BRAT1: variants seen among roughly 807,000 people sequenced by gnomAD.
BRAT1 encodes integrator complex assembly factor BRAT1.
A neutral mutation model predicts 70.6 loss-of-function variants in BRAT1; 74 were observed. The observed-to-expected ratio is 1.05, with a 90% CI of 0.87 to 1.27. BRAT1 has a LOEUF of 1.27. Among genes scored for constraint, BRAT1 ranks in the 50% most tolerant of loss-of-function variants. BRAT1 has a pLI of 0.00. For synonymous variants in BRAT1, 615 were observed against 517.1 expected (o/e 1.19, Z -2.57); for missense variants, 1,203 against 1,098.2 (o/e 1.10, Z -1.35).
At chr7:2,544,884 T>G in intron 4 of BRAT1, 25 bp downstream of exon 4, 1 of 1,547,082 alleles carries the variant, frequency 6.5e-7, no homozygotes, top group Non-Finnish European at 8.7e-7. Context: ...GGATGAGGAA[T>G]GGGGTGGGGT....
rs141726264 is a variant in BRAT1, at chr7:2,538,506, C to T, written c.2029G>A (p.Val677Met). 139 of 1,610,658 alleles carry T rather than the reference C, an allele frequency of 8.6e-5. No homozygotes were observed. The African/African-American group carries it at 1.4e-3, about 16-fold the overall frequency. The stretch of plus-strand genomic sequence containing the variant: ...GCTGGGGCCACCTCGGGTAGGGCCA[C>T]GGCATAGGGGCAGTGGGTACGCGGC... The part of the protein sequence containing the change: ...GPPRTHCPYA[V>M]ALPEVAPAQP... Residue 677 changes from valine (V) to methionine (M), a missense_variant, in exon 14 of 14, where the codon GTG becomes ATG. Coordinates refer to ENST00000340611, the MANE Select transcript of BRAT1 (RefSeq NM_152743.4).
In BRAT1 at chr7:2,538,489, C is replaced by T. The variant is rs749058877; in HGVS notation, c.2046G>A (p.Val682=). Residue 682 remains valine, a synonymous_variant, in exon 14 of 14, where the codon GTG becomes GTA. Coordinates refer to ENST00000340611, the MANE Select transcript of BRAT1 (RefSeq NM_152743.4). Reference sequence around the variant, plus strand: ...CCTCGGTGAGTGGCTGGGCTGGGGCCACCTCGGGTAGGGCCACGGCATAGG... The same window carrying T: ...CCTCGGTGAGTGGCTGGGCTGGGGCTACCTCGGGTAGGGCCACGGCATAGG... ...HCPYAVALPE[V]APAQPLTEAL... 3 of 1,611,756 alleles carry T rather than the reference C, an allele frequency of 1.9e-6. No homozygotes were observed. Among genetic ancestry groups the T allele is most frequent in the Non-Finnish European group, 2.5e-6 (3 of 1,179,838 alleles).
intron 1 of BRAT1, 25 bp downstream of exon 1, chr7:2,555,462 A>AC (rs1198193189): frequency 6.6e-6 from 1 of 150,846 alleles, no homozygotes; most frequent in Non-Finnish European, 1.5e-5. Flanking sequence ...CACGACCTCG[A>AC]CCCCCGAAGG....
chr7:2,550,272 G>A (rs1028286091), intron 2 of BRAT1, among the ~76,000 whole-genome samples: 1 of 151,738 alleles, frequency 6.6e-6, no homozygotes, highest in Non-Finnish European at 1.5e-5. Flanking sequence ...TTTGAGACCA[G>A]CCTGGGCTAC....
chr7:2,545,845 C>G (rs556095168), intron 3 of BRAT1, among the ~76,000 whole-genome samples: 75 of 152,320 alleles, frequency 4.9e-4, no homozygotes, highest in African/African-American at 1.8e-3. Context: ...ATTCACTGTA[C>G]GGCAGCACCC....
At chr7:2,547,286 T>G (rs750388029) in intron 3 of BRAT1, 38 bp downstream of exon 3, 50 of 1,607,542 alleles carry the variant, frequency 3.1e-5, no homozygotes, top group Non-Finnish European at 4.2e-5. Flanking sequence ...CCTGCCCACC[T>G]CTCCACGGGA....
In BRAT1 at chr7:2,537,849, G is replaced by T; in HGVS notation, c.*220C>A. On this transcript the variant is annotated 3_prime_UTR_variant, in exon 14 of 14. Transcript: ENST00000340611. The stretch of plus-strand genomic sequence containing the variant: ...ATTATTATTAAATTAACTCAAAAAG[G>T]GTTAAAGAAAGACTTCAATGCCATT... 1.5e-6 allele frequency: 1 copy of T among 669,152 alleles called. No homozygotes were observed. The highest frequency in any genetic ancestry group is 3.1e-5 in the East Asian group (1 of 31,866). The allele number at this position is 669,152 out of a possible 1,614,324, so 41.5% of individuals were successfully genotyped here.
chr7:2,538,718 C>A lies in BRAT1; in HGVS notation c.1817G>T (p.Gly606Val), dbSNP rs766450980. 1.5e-5 allele frequency: 24 copies of A among 1,598,328 alleles called. No individual in the cohort carries two copies. In the Admixed American group the frequency reaches 3.5e-4, roughly 23 times the overall value. Residue 606 changes from glycine to valine, a missense_variant, in exon 14 of 14, where the codon GGC (glycine) becomes GTC (valine). Coordinates refer to ENST00000340611, the MANE Select transcript of BRAT1 (RefSeq NM_152743.4). Reference protein sequence around the residue: ...LLHILSVDSEGFPRRAVMQVF... With the variant: ...LLHILSVDSEVFPRRAVMQVF... ...TTGCATGACCGCCCGCCGTGGGAAG[C>A]CCTCCGAGTCTACGGAGAGGATGTG... is the stretch of plus-strand genomic sequence containing the variant.
intron 11 of BRAT1, 46 bp downstream of exon 11, chr7:2,539,740 C>G: frequency 1.9e-6 from 3 of 1,567,784 alleles, no homozygotes; most frequent in South Asian, 2.3e-5. Flanking sequence ...GCTGCCTCCA[C>G]CCCTGCGACT....
chr7:2,543,590 C>A lies in BRAT1; in HGVS notation c.803G>T (p.Arg268Leu). Reference sequence around the variant, plus strand: ...CCCAGCTGCGTCCCGGGGCCCTGACCGAGCCACACAGAGAAGCAGGTCCAC... The same window carrying A: ...CCCAGCTGCGTCCCGGGGCCCTGACAGAGCCACACAGAGAAGCAGGTCCAC... ...SFVDLLLCVA[R>L]SPVFSSSDGS... The change falls in exon 5 of 14, where the codon CGT (arginine) becomes CTT (leucine). Residue 268 changes from arginine (R) to leucine (L), a missense_variant and splice_region_variant. Arg to Leu is a moderately radical substitution (Grantham distance 102). Coordinates refer to ENST00000340611, the MANE Select transcript of BRAT1 (RefSeq NM_152743.4). The surrounding 1 kb of genome is among the most constrained non-coding windows in gnomAD (Gnocchi z 5.5). The A allele has an allele frequency of 2.6e-6, 4 of 1,510,712 alleles. No individual in the cohort carries two copies. The South Asian group carries it at 4.0e-5, about 15-fold the overall frequency. 93.6% of individuals were successfully genotyped at this position (1,510,712 alleles called of 1,614,324 possible).
chr7:2,544,658 G>A (rs554889820), intron 4 of BRAT1, among the ~76,000 whole-genome samples: 37 of 152,246 alleles, frequency 2.4e-4, no homozygotes, highest in African/African-American at 7.7e-4. Flanking sequence ...GCATCACCAC[G>A]CCTGGCTCCC....
chr7:2,554,267 C>T, intron 2 of BRAT1, 38 bp downstream of exon 2: 2 of 1,608,048 alleles, frequency 1.2e-6, no homozygotes, highest in South Asian at 2.2e-5. Flanking sequence ...TGCGTCTGGT[C>T]TCTGGATAGG....
chr7:2,544,200 G>GTTTTT (rs1172630697), intron 4 of BRAT1: 36,631 of 107,076 alleles, frequency 0.34, 8,207 homozygotes, highest in Non-Finnish European at 0.39. Context: ...CCTTCTTGTT[G>GTTTTT]TTTTTTTTTT....
chr7:2,542,934 A>T, intron 6 of BRAT1: 1 of 261,994 alleles, frequency 3.8e-6, no homozygotes, highest in Non-Finnish European at 7.2e-6. Context: ...GGGCGTCGGC[A>T]GGACCACCCT....
Position 2,544,145 on chromosome 7 carries a change from C to G in BRAT1, c.431-183G>C, listed in dbSNP as rs181229004. 1,016 of 479,884 alleles carry G rather than the reference C, an allele frequency of 2.1e-3. 11 individuals carry two copies. Among genetic ancestry groups the G allele is most frequent in the South Asian group, 0.012 (304 of 25,176 alleles). The allele number at this position is 479,884 out of a possible 1,614,324, so 29.7% of individuals were successfully genotyped here. ...TCCCTGGAGACAAGCACCTCCTCCC[C>G]CCGAGCGTTAAACACACACAGCTTG... is the stretch of plus-strand genomic sequence containing the variant. On this transcript the variant is annotated intron_variant, in intron 4 of 13. Coordinates refer to ENST00000340611, the MANE Select transcript of BRAT1 (RefSeq NM_152743.4).
Position 2,541,852 on chromosome 7 carries a change from G to A in BRAT1, c.1016-16C>T, listed in dbSNP as rs764816041. On this transcript the variant is annotated splice_polypyrimidine_tract_variant and intron_variant, in intron 7 of 13. Transcript: ENST00000340611. ...TCCAGCAAGCCTGGGGGCCAAGCCA[G>A]GAAGAGCTCCCTTAGAGAGCACTTC... 3 of 1,611,452 alleles carry A rather than the reference G, an allele frequency of 1.9e-6. No individual in the cohort carries two copies. The African/African-American group carries it at 4.0e-5, about 22-fold the overall frequency.
chr7:2,544,070 G>C, intron 4 of BRAT1, 108 bp from the exon 5 acceptor site: 1 of 882,098 alleles, frequency 1.1e-6, no homozygotes, highest in Non-Finnish European at 1.6e-6. Context: ...CCCCCAAGAT[G>C]CCCCCAAATG....
intron 2 of BRAT1, among the ~76,000 whole-genome samples, chr7:2,548,476 C>T (rs1269985651): frequency 6.6e-6 from 1 of 151,800 alleles, no homozygotes; most frequent in Non-Finnish European, 1.5e-5. Context: ...GGCAGGAGAA[C>T]AACATAGCAA....
At chr7:2,538,857 G>C in intron 13 of BRAT1, 93 bp from the exon 14 acceptor site, 1 of 1,540,494 alleles carries the variant, frequency 6.5e-7, no homozygotes, top group Non-Finnish European at 8.7e-7. Context: ...GGCTGGCCCC[G>C]GACATGCAGT....
Sources: gnomAD v4.1 joint callset for allele counts (sites outside exome capture counted in the v4.1 genomes callset) on GRCh38, gnomAD v4.1.1 for gene constraint, Gnocchi (gnomAD v3.1) non-coding constraint, MANE v1.5 for transcripts, NCBI Gene and HGNC (gene_info 2026-07-23, HGNC 2026-07-21) for gene names.